Variants in SPECC1 observed in about 807,000 individuals in gnomAD.
SPECC1 encodes sperm antigen with calponin homology and coiled-coil domains 1.
Under a neutral mutation model 104.1 loss-of-function variants are expected in SPECC1, and 62 were observed. That is an observed-to-expected ratio of 0.60 (90% CI 0.49 to 0.74). The LOEUF is 0.74. SPECC1 is among the 30% of genes least tolerant of loss of function. The pLI is 0.00. For missense variants in SPECC1, 1,306 were observed against 1,310.5 expected (o/e 1.00, Z 0.05); for synonymous variants, 513 against 501.6 (o/e 1.02, Z -0.30).
chr17:20,065,406 A>C (rs1007310523), intron 1 of SPECC1, among the ~76,000 whole-genome samples: 1 of 152,128 alleles, frequency 6.6e-6, no homozygotes, highest in Admixed American at 6.5e-5. Flanking sequence ...TCTGGGTTCA[A>C]CTAATTTGCT....
At chr17:20,226,635 G>T (rs768115246) in intron 4 of SPECC1, among the ~76,000 whole-genome samples, 1 of 152,152 alleles carries the variant, frequency 6.6e-6, no homozygotes, top group African/African-American at 2.4e-5. Flanking sequence ...TCTGTTTGGT[G>T]CATGATTATT....
rs536880395 is a variant in SPECC1, at chr17:20,042,542, G to A, written c.-22+33118G>A. Among the ~76,000 whole-genome samples, 16 of 152,268 alleles carry A rather than the reference G, an allele frequency of 1.1e-4. 1 individual carries two copies. The South Asian group carries it at 2.9e-3, about 28-fold the overall frequency. ...TGGGCTCCTTACTACTGCCATGCAG[G>A]GATAAAAGTCGCAGTCCTTACTCAG... On this transcript the variant is annotated intron_variant, in intron 1 of 14. Coordinates refer to ENST00000395527, the MANE Select transcript of SPECC1 (RefSeq NM_001243439.2).
intron 3 of SPECC1, among the ~76,000 whole-genome samples, chr17:20,114,094 A>T (rs1352895609): frequency 6.6e-6 from 1 of 152,232 alleles, no homozygotes; most frequent in East Asian, 1.9e-4. Context: ...AAAAAAGTAT[A>T]TATAAAGAAA....
intron 14 of SPECC1, among the ~76,000 whole-genome samples, chr17:20,313,477 C>T (rs1370914755): frequency 6.6e-6 from 1 of 152,194 alleles, no homozygotes; most frequent in Non-Finnish European, 1.5e-5. Context: ...CCCTTGTGGA[C>T]AGCAGTTTCC....
chr17:20,252,555 C>T (rs1345090905), intron 9 of SPECC1, among the ~76,000 whole-genome samples: 1 of 152,164 alleles, frequency 6.6e-6, no homozygotes, highest in African/African-American at 2.4e-5. Context: ...AGCCACCACT[C>T]CACTGTCTGC....
intron 1 of SPECC1, among the ~76,000 whole-genome samples, chr17:20,031,469 G>A (rs1252248019): frequency 2.6e-5 from 4 of 152,002 alleles, no homozygotes; most frequent in African/African-American, 4.8e-5. Context: ...ACAGGTGCCC[G>A]CCACCACACC....
rs553669543 is a variant in SPECC1, at chr17:20,237,227, C to T, written c.2351+4822C>T. The T allele has an allele frequency of 7.2e-6, 9 of 1,251,900 alleles. No homozygotes were observed. The African/African-American group carries it at 1.1e-4, about 15-fold the overall frequency. The allele number at this position is 1,251,900 out of a possible 1,614,324, so 77.5% of individuals were successfully genotyped here. A position where few individuals can be genotyped will look rare whatever the true frequency, so the allele number is the denominator to read the frequency against. On this transcript the variant is annotated intron_variant, in intron 7 of 14. Coordinates refer to ENST00000395527, the MANE Select transcript of SPECC1 (RefSeq NM_001243439.2). ...TTTGCAGCTGGAGTGCTGAAAAGGG[C>T]ACAGTGGCAGAGCAGATGCAGAGCT... is the stretch of plus-strand genomic sequence containing the variant.
intron 3 of SPECC1, among the ~76,000 whole-genome samples, chr17:20,168,946 C>T (rs912796100): frequency 1.3e-5 from 2 of 152,170 alleles, no homozygotes; most frequent in Non-Finnish European, 2.9e-5. Context: ...TATCTGGGCT[C>T]ACTGCAACCT....
Position 20,314,049 on chromosome 17 carries a change from A to C in SPECC1, c.3191A>C (p.Lys1064Thr). Residue 1064 changes from lysine (K) to threonine (T), a missense_variant, in exon 15 of 15, where the codon AAG (lysine) becomes ACG (threonine). Lys to Thr is a moderately conservative substitution (Grantham distance 78, BLOSUM62 -1). This residue lies in a region of SPECC1 where 129 missense variants were observed against 170.6 expected (regional missense o/e 0.76). Coordinates refer to ENST00000395527, the MANE Select transcript of SPECC1 (RefSeq NM_001243439.2). ...SVMQYVAQIY[K>T]YFET is the part of the protein sequence containing the mutation. ...ATGCAGTACGTGGCCCAAATCTACA[A>C]GTACTTTGAGACGTAACCCTGGAGG... The C allele has an allele frequency of 6.2e-7, 1 of 1,614,158 alleles. No homozygotes were observed. Among genetic ancestry groups the C allele is most frequent in the South Asian group, 1.1e-5 (1 of 91,072 alleles).
At chr17:20,083,636 A>G (rs2047066228) in intron 1 of SPECC1, among the ~76,000 whole-genome samples, 1 of 152,134 alleles carries the variant, frequency 6.6e-6, no homozygotes, top group African/African-American at 2.4e-5. Flanking sequence ...TTATGTATCC[A>G]CTCACTGTTG....
At chr17:20,069,267 C>G (rs2046464573) in intron 1 of SPECC1, among the ~76,000 whole-genome samples, 1 of 152,202 alleles carries the variant, frequency 6.6e-6, no homozygotes, top group Admixed American at 6.5e-5. Context: ...CATCCATGTC[C>G]CTATAAAGGA....
chr17:20,226,488 A>G (rs928349976), intron 4 of SPECC1, among the ~76,000 whole-genome samples: 3 of 152,212 alleles, frequency 2.0e-5, no homozygotes, highest in African/African-American at 7.2e-5. Flanking sequence ...GTGAAAAACC[A>G]TTCAAGGATT....
intron 4 of SPECC1, 81 bp downstream of exon 4, chr17:20,205,993 A>C: frequency 6.6e-7 from 1 of 1,505,314 alleles, no homozygotes; most frequent in Admixed American, 2.1e-5. Flanking sequence ...CACAGAGCAC[A>C]GAGAAGCATT....
chr17:20,247,440 A>G, intron 9 of SPECC1, 121 bp downstream of exon 9: 1 of 617,982 alleles, frequency 1.6e-6, no homozygotes. Context: ...TGTTTTGTAA[A>G]TTGGATTGCA....
At chr17:20,111,365 T>C (rs1327349565) in intron 3 of SPECC1, among the ~76,000 whole-genome samples, 1 of 152,246 alleles carries the variant, frequency 6.6e-6, no homozygotes, top group Non-Finnish European at 1.5e-5. Flanking sequence ...TATTTTAATT[T>C]ATCAGTTTTT....
intron 4 of SPECC1, among the ~76,000 whole-genome samples, chr17:20,223,078 C>G (rs991914525): frequency 2.6e-5 from 4 of 152,136 alleles, no homozygotes; most frequent in African/African-American, 9.7e-5. Flanking sequence ...ATATTTTTCT[C>G]TAGATTTGGG....
chr17:20,122,101 G>A (rs557275380), intron 3 of SPECC1, among the ~76,000 whole-genome samples: 1 of 152,256 alleles, frequency 6.6e-6, no homozygotes, highest in South Asian at 2.1e-4. Flanking sequence ...GCTGGCCCGT[G>A]TCCCCCACGT....
rs1250845611 is a variant in SPECC1 at position 20,314,858 on chromosome 17, AT to A, written c.*796del. On this transcript the variant is annotated 3_prime_UTR_variant, in exon 15 of 15. Transcript: ENST00000395527. ...TTTAGCTCTCACCATCCCTTATTTG[AT>A]TTATTGTAGCAAAAGGAAAGCCTGT... is the stretch of plus-strand genomic sequence containing the variant. 1 of 231,796 alleles carries A rather than the reference AT, an allele frequency of 4.3e-6. No homozygotes were observed. Among genetic ancestry groups the A allele is most frequent in the Admixed American group, 5.6e-5 (1 of 17,716 alleles). 14.4% of individuals were successfully genotyped at this position (231,796 alleles called of 1,614,324 possible).
At chr17:20,137,965 C>CTTTAT (rs926050019) in intron 3 of SPECC1, among the ~76,000 whole-genome samples, 1 of 148,542 alleles carries the variant, frequency 6.7e-6, no homozygotes, top group African/African-American at 2.5e-5. Flanking sequence ...GTACCCAGCC[C>CTTTAT]TTTATTTTAT....
Sources: allele counts gnomAD v4.1 joint callset (sites outside exome capture counted in the v4.1 genomes callset), GRCh38; gene constraint gnomAD v4.1.1; regional missense constraint gnomAD v4.1.1; transcripts MANE v1.5; gene names NCBI Gene and HGNC (gene_info 2026-07-23, HGNC 2026-07-21).